The following ZNF500 variants were observed in gnomAD, a reference collection of about 807,000 sequenced individuals.
ZNF500 encodes the protein zinc finger protein with KRAB and SCAN domains 18.
A neutral mutation model predicts 30.1 loss-of-function variants in ZNF500; 31 were observed. The observed-to-expected ratio is 1.03, with a 90% confidence interval of 0.77 to 1.39. The LOEUF (loss-of-function observed/expected upper bound fraction) is 1.39. Among genes scored for constraint, ZNF500 ranks in the 40% most tolerant of loss-of-function variants. The probability of loss-of-function intolerance (pLI) is 0.00; values close to 1 mark genes in which losing one functional copy is unlikely to be tolerated. For synonymous variants in ZNF500, 392 were observed against 282.0 expected, an observed-to-expected ratio of 1.39 and a Z score of -3.91; for missense variants, 817 against 657.8, an observed-to-expected ratio of 1.24 and a Z score of -2.65.
intron 2 of ZNF500, chr16:4,763,698 G>A: frequency 1.0e-6 from 1 of 984,568 alleles, no homozygotes; most frequent in Non-Finnish European, 1.2e-6. Flanking sequence ...AGGTGTCGGT[G>A]CAGTGACAGA....
chr16:4,760,690 C>A, intron 4 of ZNF500, 102 bp from the exon 5 acceptor site: 1 of 1,048,644 alleles, frequency 9.5e-7, no homozygotes, highest in Admixed American at 2.2e-5. Flanking sequence ...CCCCTCGAGG[C>A]TGGCGCCAAG....
Position 4,765,600 on chromosome 16 carries a change from C to T in ZNF500, c.379G>A (p.Gly127Arg), listed in dbSNP as rs1051378598. Residue 127 changes from glycine to arginine, a missense_variant, in exon 2 of 6, where the codon GGG becomes AGG. Transcript: ENST00000219478. Reference protein sequence around the residue: ...SGEEAVVLVEGLQRKPRKHRQ... With the variant: ...SGEEAVVLVERLQRKPRKHRQ... The stretch of plus-strand genomic sequence containing the variant: ...TGTTTCCTGGGCTTCCGCTGCAGCC[C>T]TTCCACAAGGACCACGGCCTCCTCA... 3.1e-6 allele frequency: 5 copies of T among 1,609,950 alleles called. No individual in the cohort carries two copies. The highest frequency in any genetic ancestry group is 1.3e-5 in the African/African-American group (1 of 74,846).
At chr16:4,765,293 C>T (rs2082251673) in intron 2 of ZNF500, among the ~76,000 whole-genome samples, 1 of 151,134 alleles carries the variant, frequency 6.6e-6, no homozygotes, top group South Asian at 2.1e-4. Context: ...GAGACTATGT[C>T]TCAAAAAAAA....
At chr16:4,763,655 C>T in intron 2 of ZNF500, 1 of 985,432 alleles carries the variant, frequency 1.0e-6, no homozygotes, top group Middle Eastern at 5.2e-4. Flanking sequence ...CTGCCCCTCT[C>T]AGCTCAGTGA....
rs145084269 is a variant in ZNF500, at chr16:4,763,961, C to A, written c.415-1205G>T. ...GCACTGCCCATGTGCCCCATCCACG[C>A]AAGGCCCTGAAAAATGAACTGAAAC... On this transcript the variant is annotated intron_variant, in intron 2 of 5. Transcript: ENST00000219478. 5 of 985,460 alleles carry A rather than the reference C, an allele frequency of 5.1e-6. No individual in the cohort carries two copies. In the African/African-American group the frequency reaches 7.0e-5, roughly 14 times the overall value. 61.0% of individuals were successfully genotyped at this position (985,460 alleles called of 1,614,324 possible).
downstream of ZNF500, chr16:4,746,190 G>A (rs2082015435): frequency 1.7e-6 from 1 of 582,972 alleles, no homozygotes; most frequent in African/African-American, 1.9e-5. Context: ...CTGTTGGCCA[G>A]TGGTGGCCTA....
At chr16:4,746,922 T>C (rs764669122), downstream of ZNF500, 1 of 1,550,000 alleles carries the variant, frequency 6.5e-7, no homozygotes, top group Non-Finnish European at 8.7e-7. Context: ...TTTCTCTCCC[T>C]GCAGCTCCAG....
intron 1 of ZNF500, among the ~76,000 whole-genome samples, chr16:4,766,503 C>T (rs767839240): frequency 4.6e-5 from 7 of 152,144 alleles, no homozygotes; most frequent in Non-Finnish European, 5.9e-5. Context: ...CATCTGTAAT[C>T]CCAGCAACTC....
At chr16:4,762,227 G>C (rs748937515) in intron 4 of ZNF500, 44 bp downstream of exon 4, 12 of 1,596,396 alleles carry the variant, frequency 7.5e-6, no homozygotes, top group Non-Finnish European at 8.5e-6. Context: ...ACAGGAGGTC[G>C]GGCCAGACCC....
rs544078006 is a variant in ZNF500, at chr16:4,749,453, G to T, written c.*2923C>A. The T allele has an allele frequency of 6.5e-6, 1 of 154,562 alleles. No homozygotes were observed. The highest frequency in any genetic ancestry group is 2.0e-4 in the South Asian group (1 of 4,926). 9.6% of individuals were successfully genotyped at this position (154,562 alleles called of 1,614,324 possible). A position where few individuals can be genotyped will look rare whatever the true frequency, so the allele number is the denominator to read the frequency against. On this transcript the variant is annotated 3_prime_UTR_variant, in exon 6 of 6. Coordinates refer to ENST00000219478, the MANE Select transcript of ZNF500 (RefSeq NM_021646.4). ...GAGTGAGGTAGGAAGTCAGACCTGC[G>T]TCCAAAGCTGGCTCTGCCACCTGGG...
chr16:4,759,142 G>A (rs957070370), intron 5 of ZNF500, among the ~76,000 whole-genome samples: 24 of 151,990 alleles, frequency 1.6e-4, no homozygotes, highest in African/African-American at 2.7e-4. Flanking sequence ...CCTGGAAGGC[G>A]GAGGTTGCAG....
At chr16:4,745,610 A>C (rs562565879), downstream of ZNF500, among the ~76,000 whole-genome samples, 1 of 152,284 alleles carries the variant, frequency 6.6e-6, no homozygotes, top group South Asian at 2.1e-4. Flanking sequence ...TTTTCACCTG[A>C]CCAGCAGTGG....
downstream of ZNF500, chr16:4,744,798 G>A: frequency 6.6e-7 from 1 of 1,526,086 alleles, no homozygotes; most frequent in Non-Finnish European, 9.0e-7. Flanking sequence ...CAGGGGTCCT[G>A]AGGCTCCAGC....
chr16:4,765,394 G>T (rs2082252819), intron 2 of ZNF500, among the ~76,000 whole-genome samples, 171 bp downstream of exon 2: 1 of 152,138 alleles, frequency 6.6e-6, no homozygotes, highest in African/African-American at 2.4e-5. Context: ...TTAATCAAAG[G>T]GTGGACACCC....
At chr16:4,747,602 A>T, downstream of ZNF500, 1 of 1,609,564 alleles carries the variant, frequency 6.2e-7, no homozygotes. Flanking sequence ...GGAGGCCCTG[A>T]TGCCTCCTCT....
intron 2 of ZNF500, among the ~76,000 whole-genome samples, chr16:4,763,407 A>C (rs2082229129): frequency 6.9e-6 from 1 of 144,974 alleles, no homozygotes; most frequent in African/African-American, 2.5e-5. Context: ...TCAGGGAAGA[A>C]AAAAAAAAAA....
chr16:4,744,827 G>A (rs758410127), downstream of ZNF500: 24 of 1,587,512 alleles, frequency 1.5e-5, no homozygotes, highest in Admixed American at 3.9e-4. Flanking sequence ...GTCACAAGTG[G>A]GCCAAGTCCC....
At chr16:4,760,413 G>A (rs1344702709) in intron 5 of ZNF500, 79 bp downstream of exon 5, 1 of 1,406,534 alleles carries the variant, frequency 7.1e-7, no homozygotes, top group African/African-American at 1.4e-5. Flanking sequence ...TGGACCAACA[G>A]AACCAAGCCC....
intron 5 of ZNF500, chr16:4,758,640 A>T (rs563968514): frequency 2.3e-4 from 35 of 152,288 alleles, no homozygotes; most frequent in African/African-American, 8.4e-4. Context: ...CACTTTCATC[A>T]GTGACAACCC....
Sources: gnomAD v4.1 joint callset for allele counts (sites outside exome capture counted in the v4.1 genomes callset) on GRCh38, gnomAD v4.1.1 for gene constraint, MANE v1.5 for transcripts, NCBI Gene and HGNC (gene_info 2026-07-23, HGNC 2026-07-21) for gene names.